The following FAM120A variants were observed in gnomAD, a reference collection of about 807,000 sequenced individuals.
FAM120A encodes family with sequence similarity 120 member A, also known as constitutive coactivator of PPAR-gamma-like protein 1.
A neutral mutation model predicts 109.7 loss-of-function variants in FAM120A; 15 were observed. That is an observed-to-expected ratio of 0.14 (90% CI 0.09 to 0.21). FAM120A has a LOEUF of 0.21. Ranked by LOEUF, FAM120A falls within the 10% of genes least tolerant of loss-of-function variation. The pLI is 1.00. For missense variants in FAM120A, 899 were observed against 1,439.3 expected, an observed-to-expected ratio of 0.62 and a Z score of 6.07; for synonymous variants, 493 against 572.8, an observed-to-expected ratio of 0.86 and a Z score of 1.99.
At chr9:93,512,194 T>G (rs1860350422) in intron 5 of FAM120A, among the ~76,000 whole-genome samples, 1 of 152,238 alleles carries the variant, frequency 6.6e-6, no homozygotes, top group South Asian at 2.1e-4. Context: ...AGAGGAACAT[T>G]TGTTAGGTTG....
chr9:93,534,806 C>G (rs535069350), intron 10 of FAM120A, among the ~76,000 whole-genome samples: 1 of 151,950 alleles, frequency 6.6e-6, no homozygotes, highest in East Asian at 1.9e-4. Flanking sequence ...GAAGCAGAGG[C>G]AGAAGTCCAT....
intron 2 of FAM120A, among the ~76,000 whole-genome samples, chr9:93,475,361 T>G (rs887777970): frequency 6.6e-6 from 1 of 152,208 alleles, no homozygotes; most frequent in Non-Finnish European, 1.5e-5. Context: ...TTTACATCAT[T>G]TTGGACTACG....
chr9:93,550,573 C>T lies in FAM120A; in HGVS notation c.2160-4C>T. On this transcript the variant is annotated splice_polypyrimidine_tract_variant and splice_region_variant and intron_variant, in intron 11 of 17. Transcript: ENST00000277165. ...ACCAACCTTTTGTTTCTGCCCCTCA[C>T]CAGGTACATGGTGCAGTGGCCGGGA... 6.2e-7 allele frequency: 1 copy of T among 1,612,086 alleles called. No homozygotes were observed. Among genetic ancestry groups the T allele is most frequent in the Non-Finnish European group, 8.5e-7 (1 of 1,178,720 alleles).
rs575197072 is a variant in FAM120A, at chr9:93,512,754, G to A, written c.1031-2913G>A. ...CTGAATCCGCAGAGGGAGACCCTGG[G>A]TTAGGAGGCACTTCTGCAGCCTTCA... On this transcript the variant is annotated intron_variant, in intron 5 of 17. Transcript: ENST00000277165. Among the ~76,000 whole-genome samples, 9 of 152,344 alleles carry A rather than the reference G, an allele frequency of 5.9e-5. No individual in the cohort carries two copies. The South Asian group carries it at 1.7e-3, about 28-fold the overall frequency.
At position 93,463,187 on chromosome 9, in the gene FAM120A, C is replaced by CT. The variant is rs202116243; in HGVS notation, c.475-7946dup. On this transcript the variant is annotated intron_variant, in intron 1 of 17. Coordinates refer to ENST00000277165, the MANE Select transcript of FAM120A (RefSeq NM_014612.5). ...TATTCTTGTTGACATTTGTTATTTTCTTTTTTTTAAAAAAATAGTAGCCAT... is the reference window on the plus strand; with the variant it reads ...TATTCTTGTTGACATTTGTTATTTTCTTTTTTTTTAAAAAAATAGTAGCCAT... 2.4e-3 allele frequency among the ~76,000 whole-genome samples: 366 copies of CT among 151,016 alleles called. 1 individual carries two copies. The highest frequency in any genetic ancestry group is 8.0e-3 in the African/African-American group (333 of 41,458).
intron 15 of FAM120A, among the ~76,000 whole-genome samples, chr9:93,560,620 C>A (rs187849203): frequency 1.5e-3 from 230 of 152,266 alleles, no homozygotes; most frequent in Non-Finnish European, 2.7e-3. Flanking sequence ...AGAAAACTTA[C>A]AATTTGCAGT....
At chr9:93,519,405 C>T (rs1266536729) in intron 7 of FAM120A, among the ~76,000 whole-genome samples, 1 of 152,012 alleles carries the variant, frequency 6.6e-6, no homozygotes, top group African/African-American at 2.4e-5. Context: ...CCATGCCCAG[C>T]TAATTTTTTG....
intron 10 of FAM120A, among the ~76,000 whole-genome samples, chr9:93,534,965 A>G (rs182528345): frequency 9.9e-5 from 15 of 152,222 alleles, no homozygotes; most frequent in African/African-American, 3.1e-4. Flanking sequence ...GAGCATGGGT[A>G]TTTTCTGCAC....
At chr9:93,511,094 C>G (rs1860297315) in intron 5 of FAM120A, among the ~76,000 whole-genome samples, 1 of 151,788 alleles carries the variant, frequency 6.6e-6, no homozygotes, top group Non-Finnish European at 1.5e-5. Flanking sequence ...GTTCTTGTTT[C>G]TGTTGACTTG....
chr9:93,565,253 T>C lies in FAM120A; in HGVS notation c.*713T>C, dbSNP rs1483192793. On this transcript the variant is annotated 3_prime_UTR_variant, in exon 18 of 18. Coordinates refer to ENST00000277165, the MANE Select transcript of FAM120A (RefSeq NM_014612.5). ...ATCAACACAATGTGTTCTGAAACTT[T>C]CGTGACTAATACCATGCATCTGTGA... The C allele has an allele frequency of 2.0e-5, 3 of 152,686 alleles. No individual in the cohort carries two copies. The highest frequency in any genetic ancestry group is 2.1e-4 in the South Asian group (1 of 4,838). 9.5% of individuals were successfully genotyped at this position (152,686 alleles called of 1,614,324 possible). A position where few individuals can be genotyped will look rare whatever the true frequency, so the allele number is the denominator to read the frequency against.
At chr9:93,520,885 G>A (rs953037744) in intron 7 of FAM120A, among the ~76,000 whole-genome samples, 1 of 152,200 alleles carries the variant, frequency 6.6e-6, no homozygotes, top group East Asian at 1.9e-4. Context: ...TCATCTGGGT[G>A]CGCTTGGCAG....
rs1860454756 is a variant in FAM120A, at chr9:93,513,964, G to A, written c.1031-1703G>A. ...CAGTGTGAGAGGTGGTGGTTCTTGG[G>A]TTGTGTTCCCCTTGCCTGGTGTTTT... On this transcript the variant is annotated intron_variant, in intron 5 of 17. Coordinates refer to ENST00000277165, the MANE Select transcript of FAM120A (RefSeq NM_014612.5). Among the ~76,000 whole-genome samples, 3 of 152,314 alleles carry A rather than the reference G, an allele frequency of 2.0e-5. 1 individual carries two copies. The highest frequency in any genetic ancestry group is 4.1e-4 in the South Asian group (2 of 4,830).
At chr9:93,554,785 A>C (rs1862237337) in intron 12 of FAM120A, among the ~76,000 whole-genome samples, 1 of 152,248 alleles carries the variant, frequency 6.6e-6, no homozygotes, top group African/African-American at 2.4e-5. Flanking sequence ...ACTTTAGAGC[A>C]GCATTTTCTC....
At chr9:93,511,756 T>G (rs1438369997) in intron 5 of FAM120A, among the ~76,000 whole-genome samples, 1 of 152,238 alleles carries the variant, frequency 6.6e-6, no homozygotes, top group African/African-American at 2.4e-5. Context: ...AAGCTATATT[T>G]TTTGGGTGAT....
In FAM120A at chr9:93,452,949, T is replaced by G; in HGVS notation, c.474+560T>G. 1 of 1,390,378 alleles carries G rather than the reference T, an allele frequency of 7.2e-7. No homozygotes were observed. The highest frequency in any genetic ancestry group is 1.5e-5 in the African/African-American group (1 of 68,190). The allele number at this position is 1,390,378 out of a possible 1,614,324, so 86.1% of individuals were successfully genotyped here. On this transcript the variant is annotated intron_variant, in intron 1 of 17. Transcript: ENST00000277165. The surrounding 1 kb of genome is among the most constrained non-coding windows in gnomAD (Gnocchi z 7.0). The stretch of plus-strand genomic sequence containing the variant: ...GTGTCTAAGGGCCAGTGCCCTGGCC[T>G]CTACTTCAGAACGCAGTGCCCTGTC...
chr9:93,476,808 C>T (rs10992751), intron 3 of FAM120A, among the ~76,000 whole-genome samples: 39,976 of 152,080 alleles, frequency 0.26, 6,489 homozygotes, highest in East Asian at 0.43. Context: ...TCCATTTGTA[C>T]TATTTTATTA....
intron 15 of FAM120A, among the ~76,000 whole-genome samples, chr9:93,560,225 T>A (rs1256290807): frequency 6.6e-6 from 1 of 151,848 alleles, no homozygotes; most frequent in Non-Finnish European, 1.5e-5. Flanking sequence ...AGCTGGGAGG[T>A]CAAGGCTGCA....
intron 1 of FAM120A, among the ~76,000 whole-genome samples, chr9:93,469,480 G>A (rs1044996287): frequency 2.6e-5 from 4 of 152,180 alleles, no homozygotes; most frequent in Non-Finnish European, 4.4e-5. Flanking sequence ...AAAAAAGCCA[G>A]TAATTTCTAA....
chr9:93,511,856 G>T (rs181321588), intron 5 of FAM120A, among the ~76,000 whole-genome samples: 1 of 152,212 alleles, frequency 6.6e-6, no homozygotes, highest in Non-Finnish European at 1.5e-5. Flanking sequence ...GCAGTGGCAC[G>T]ATCTCTGCTG....
Sources: gnomAD v4.1 joint callset for allele counts (sites outside exome capture counted in the v4.1 genomes callset) on GRCh38, gnomAD v4.1.1 for gene constraint, Gnocchi (gnomAD v3.1) non-coding constraint, MANE v1.5 for transcripts, NCBI Gene and HGNC (gene_info 2026-07-23, HGNC 2026-07-21) for gene names.